The following STK3 variants were observed in gnomAD, a reference collection of about 807,000 sequenced individuals.
The protein encoded by STK3 is serine/threonine kinase 3.
Under a neutral mutation model 58.0 loss-of-function variants are expected in STK3, and 41 were observed. The ratio of observed to expected loss-of-function variants is 0.71; its 90% CI spans 0.55 to 0.92. STK3 has a LOEUF of 0.92. Ranked by LOEUF, STK3 falls within the 40% of genes least tolerant of loss-of-function variation. The pLI is 0.00. For synonymous variants in STK3, 170 were observed against 191.0 expected, an observed-to-expected ratio of 0.89 and a Z score of 0.91; for missense variants, 479 against 602.7, an observed-to-expected ratio of 0.79 and a Z score of 2.15.
At chr8:98,889,661 T>G (rs1838124186) in intron 1 of STK3, 1 of 152,192 alleles carries the variant, frequency 6.6e-6, no homozygotes, top group South Asian at 2.1e-4. Flanking sequence ...TCCAATGTTT[T>G]TTTACCCTCA....
chr8:98,924,818 T>G (rs1385459913), intron 1 of STK3, among the ~76,000 whole-genome samples: 1 of 152,162 alleles, frequency 6.6e-6, no homozygotes, highest in Non-Finnish European at 1.5e-5. Context: ...TGAGAGGCTG[T>G]GAGAGTTCAG....
intron 6 of STK3, among the ~76,000 whole-genome samples, chr8:98,674,431 T>C (rs1467628156): frequency 6.6e-6 from 1 of 152,142 alleles, no homozygotes; most frequent in African/African-American, 2.4e-5. Context: ...AAATGGAATT[T>C]AGAACTGGAT....
intron 3 of STK3, chr8:98,427,898 C>A: frequency 1.6e-6 from 2 of 1,242,622 alleles, no homozygotes; most frequent in Non-Finnish European, 2.2e-6. Flanking sequence ...CCCGCCAGGG[C>A]GCACGGCGCT....
chr8:98,422,771 G>A (rs921604436), intron 3 of STK3, among the ~76,000 whole-genome samples: 21 of 152,258 alleles, frequency 1.4e-4, no homozygotes, highest in East Asian at 1.9e-4. Context: ...ACTGACCGCC[G>A]GGTGCAGACT....
intron 10 of STK3, among the ~76,000 whole-genome samples, chr8:98,508,627 A>G (rs977800431): frequency 2.0e-5 from 3 of 152,176 alleles, no homozygotes; most frequent in Non-Finnish European, 2.9e-5. Flanking sequence ...GGTGAGTTAT[A>G]TGGTGTGTGA....
intron 10 of STK3, chr8:98,463,124 T>C (rs1378300534): frequency 6.6e-6 from 1 of 152,208 alleles, no homozygotes; most frequent in Non-Finnish European, 1.5e-5. Flanking sequence ...GCAGAGGACA[T>C]AGAACCTAAA....
chr8:98,357,710 G>A, the STK3 span, among the ~76,000 whole-genome samples: 3 of 152,196 alleles, frequency 2.0e-5, no homozygotes, highest in African/African-American at 7.2e-5. Flanking sequence ...TCTCCTTTCT[G>A]CTTCCTCCTG....
At chr8:98,463,382 T>TA (rs76436006) in intron 10 of STK3, among the ~76,000 whole-genome samples, 1,880 of 146,998 alleles carry the variant, frequency 0.013, 18 homozygotes, top group Non-Finnish European at 0.017. Context: ...TCAGTATTTC[T>TA]AAAAAAAAAA....
At chr8:98,831,193 C>G (rs1303260309) in intron 3 of STK3, among the ~76,000 whole-genome samples, 1 of 152,198 alleles carries the variant, frequency 6.6e-6, no homozygotes, top group African/African-American at 2.4e-5. Flanking sequence ...ATACGTACAC[C>G]ACCATGTTTA....
At chr8:98,741,585 C>A (rs976836095) in intron 4 of STK3, among the ~76,000 whole-genome samples, 1 of 152,182 alleles carries the variant, frequency 6.6e-6, no homozygotes, top group South Asian at 2.1e-4. Context: ...CGCTGGGACA[C>A]ATTCAAAGCA....
At chr8:98,835,796 G>A (rs1199327711) in intron 3 of STK3, among the ~76,000 whole-genome samples, 5 of 152,178 alleles carry the variant, frequency 3.3e-5, no homozygotes, top group African/African-American at 9.7e-5. Flanking sequence ...ATCCTGGGGG[G>A]CCTCTTCCTT....
intron 2 of STK3, among the ~76,000 whole-genome samples, chr8:98,768,254 G>A (rs1201526238): frequency 1.3e-5 from 2 of 152,088 alleles, no homozygotes; most frequent in African/African-American, 4.8e-5. Context: ...CAGACCAGTA[G>A]GGCCAGAATT....
rs1267076583 is a variant in STK3 at position 98,869,075 on chromosome 8, GAAGGAAGGAGAGAA to G, written c.110+14558_110+14571del. Among the ~76,000 whole-genome samples the G allele has an allele frequency of 4.6e-3, 665 of 144,012 alleles. 14 individuals carry two copies. Among genetic ancestry groups the G allele is most frequent in the African/African-American group, 0.017 (615 of 37,098 alleles). 94.5% of individuals were successfully genotyped at this position (144,012 alleles called of 152,430 possible). A position where few individuals can be genotyped will look rare whatever the true frequency, so the allele number is the denominator to read the frequency against. ...GGAAGGAAGGAAGGAAGGAAGGAAG[GAAGGAAGGAGAGAA>G]AGAGAAAATAGAAAAGAAAAGGAGT... On this transcript the variant is annotated intron_variant, in intron 3 of 12. Transcript: ENST00000523601.
At chr8:98,620,483 T>C (rs1320371614) in intron 6 of STK3, among the ~76,000 whole-genome samples, 1 of 133,064 alleles carries the variant, frequency 7.5e-6, no homozygotes. Context: ...AATAAATAAA[T>C]AAATAAATAA....
chr8:98,858,290 GTATATATATATATATA>G (rs71572027), intron 3 of STK3, among the ~76,000 whole-genome samples: 19 of 34,378 alleles, frequency 5.5e-4, no homozygotes, highest in Admixed American at 1.6e-3. Flanking sequence ...ACATACATAC[GTATATATATATATATA>G]TATATATATA....
chr8:98,911,489 T>C (rs1241981972), intron 1 of STK3, among the ~76,000 whole-genome samples: 1 of 152,160 alleles, frequency 6.6e-6, no homozygotes, highest in Admixed American at 6.6e-5. Context: ...TGACCCCAGA[T>C]TCAAGTGATT....
At chr8:98,858,212 T>TAATTTA in intron 3 of STK3, among the ~76,000 whole-genome samples, 1 of 149,144 alleles carries the variant, frequency 6.7e-6, no homozygotes, top group South Asian at 2.1e-4. Context: ...CGAAACCCAG[T>TAATTTA]GTCTACTAAA....
intron 10 of STK3, among the ~76,000 whole-genome samples, chr8:98,479,790 T>C (rs1821702926): frequency 6.6e-6 from 1 of 152,200 alleles, no homozygotes; most frequent in Middle Eastern, 3.4e-3. Flanking sequence ...GACCCAGATA[T>C]CAGAAATAAC....
chr8:98,697,700 T>G (rs1261634583), intron 6 of STK3, among the ~76,000 whole-genome samples: 1 of 152,240 alleles, frequency 6.6e-6, no homozygotes, highest in African/African-American at 2.4e-5. Context: ...AGTTCTAGTT[T>G]GATTGCACTG....
Sources: gnomAD v4.1 joint callset for allele counts (sites outside exome capture counted in the v4.1 genomes callset) on GRCh38, gnomAD v4.1.1 for gene constraint, MANE v1.5 for transcripts, NCBI Gene and HGNC (gene_info 2026-07-23, HGNC 2026-07-21) for gene names.